Variants in EPHX4 observed in about 807,000 individuals in gnomAD.
EPHX4 encodes the protein epoxide hydrolase 4, also known as abhydrolase domain containing 7.
Under a neutral mutation model 44.9 loss-of-function variants are expected in EPHX4, and 31 were observed. The ratio of observed to expected loss-of-function variants is 0.69; its 90% CI spans 0.52 to 0.93. The LOEUF (loss-of-function observed/expected upper bound fraction) is 0.93. EPHX4 is among the 40% of genes least tolerant of loss of function. The pLI is 0.00. For missense variants in EPHX4, 373 were observed against 438.1 expected, an observed-to-expected ratio of 0.85 and a Z score of 1.33; for synonymous variants, 151 against 159.7, an observed-to-expected ratio of 0.95 and a Z score of 0.41.
intron 2 of EPHX4, 121 bp from the exon 3 acceptor site, chr1:92,042,702 G>A (rs1688525174): frequency 1.1e-6 from 1 of 919,404 alleles, no homozygotes; most frequent in African/African-American, 1.8e-5. Context: ...TCCAGCCTGG[G>A]TGACAGAGCA....
intron 2 of EPHX4, among the ~76,000 whole-genome samples, chr1:92,037,656 T>A (rs772782506): frequency 1.3e-5 from 2 of 152,156 alleles, no homozygotes; most frequent in African/African-American, 2.4e-5. Flanking sequence ...AGCTGACAAC[T>A]GTGGCATTTC....
chr1:92,044,235 T>C (rs541886110), intron 3 of EPHX4, among the ~76,000 whole-genome samples: 136 of 152,264 alleles, frequency 8.9e-4, no homozygotes, highest in African/African-American at 3.1e-3. Context: ...TCTGGGGGTG[T>C]CACATACAAT....
intron 4 of EPHX4, among the ~76,000 whole-genome samples, chr1:92,049,077 G>A (rs1394835303): frequency 6.6e-6 from 1 of 151,678 alleles, no homozygotes; most frequent in African/African-American, 2.4e-5. Context: ...TAAAACTTTA[G>A]TGTCTTCCCA....
chr1:92,052,722 T>G, intron 6 of EPHX4, 64 bp downstream of exon 6: 1 of 1,405,806 alleles, frequency 7.1e-7, no homozygotes, highest in Non-Finnish European at 9.5e-7. Flanking sequence ...GGACAATATT[T>G]TATTTTTAAG....
chr1:92,062,759 G>A (rs913986295), intron 6 of EPHX4, among the ~76,000 whole-genome samples: 4 of 151,862 alleles, frequency 2.6e-5, no homozygotes, highest in Non-Finnish European at 5.9e-5. Flanking sequence ...ATTACTTAAT[G>A]CATTGTTTCT....
At chr1:92,061,847 A>C (rs2101877482) in intron 6 of EPHX4, among the ~76,000 whole-genome samples, 1 of 152,332 alleles carries the variant, frequency 6.6e-6, no homozygotes, top group Non-Finnish European at 1.5e-5. Flanking sequence ...GAAAATGCCA[A>C]AATATTACCC....
intron 3 of EPHX4, 81 bp downstream of exon 3, chr1:92,043,061 G>A: frequency 8.4e-7 from 1 of 1,194,172 alleles, no homozygotes; most frequent in Non-Finnish European, 1.2e-6. Flanking sequence ...CTTTTCTTGG[G>A]AGGATGCATA....
At position 92,030,105 on chromosome 1, in the gene EPHX4, C is replaced by T. The variant is rs778934442; in HGVS notation, c.26C>T (p.Pro9Leu). 19 of 1,606,948 alleles carry T rather than the reference C, an allele frequency of 1.2e-5. No individual in the cohort carries two copies. Among genetic ancestry groups the T allele is most frequent in the Middle Eastern group, 1.7e-4 (1 of 6,056 alleles). ...ATGGCGAGGCTGCGGGATTGCCTGC[C>T]CCGCCTGATGCTCACGCTCCGGTCC... Reference protein sequence around the residue: MARLRDCLPRLMLTLRSLL... With the variant: MARLRDCLLRLMLTLRSLL... Residue 9 changes from proline (P) to leucine (L), a missense_variant, in exon 1 of 7, where the codon CCC becomes CTC. Pro to Leu is a moderately conservative substitution (Grantham distance 98). Coordinates refer to ENST00000370383, the MANE Select transcript of EPHX4 (RefSeq NM_173567.5).
At chr1:92,038,687 A>G (rs1688472465) in intron 2 of EPHX4, among the ~76,000 whole-genome samples, 1 of 152,166 alleles carries the variant, frequency 6.6e-6, no homozygotes, top group Non-Finnish European at 1.5e-5. Context: ...GCCTAATGTG[A>G]TAATGAGTTA....
rs199911293 is a variant in EPHX4, at chr1:92,063,259, A to T, written c.1062A>T (p.Leu354=). 13 of 1,595,520 alleles carry T rather than the reference A, an allele frequency of 8.1e-6. No individual in the cohort carries two copies. In the Admixed American group the frequency reaches 1.7e-4, roughly 21 times the overall value. Residue 354 remains leucine (L), a synonymous_variant, in exon 7 of 7, where the codon CTA becomes CTT. Transcript: ENST00000370383. The part of the protein sequence containing the change: ...DIVNKLIWTF[L]KEETRKKD The stretch of plus-strand genomic sequence containing the variant: ...TGAACAAATTGATATGGACATTTCT[A>T]AAAGAAGAAACAAGAAAAAAAGATT...
intron 4 of EPHX4, among the ~76,000 whole-genome samples, chr1:92,046,052 T>C (rs2101871005): frequency 6.6e-6 from 1 of 152,346 alleles, no homozygotes; most frequent in East Asian, 1.9e-4. Flanking sequence ...TTTTTTGGTC[T>C]TGGGCTTCTA....
At chr1:92,046,390 T>G (rs572425094) in intron 4 of EPHX4, among the ~76,000 whole-genome samples, 1 of 152,230 alleles carries the variant, frequency 6.6e-6, no homozygotes, top group African/African-American at 2.4e-5. Context: ...AGTATTTTAA[T>G]AGCCTTTTCA....
chr1:92,038,200 C>G (rs1423494725), intron 2 of EPHX4, among the ~76,000 whole-genome samples: 2 of 152,184 alleles, frequency 1.3e-5, no homozygotes, highest in Non-Finnish European at 2.9e-5. Context: ...TGCATAATCT[C>G]TAATCCAATT....
In EPHX4 at chr1:92,030,490, G is replaced by GTGTGTGTGTGT. The variant is rs1383490491; in HGVS notation, c.231+180_231+181insTGTGTGTGTGT. Among the ~76,000 whole-genome samples the GTGTGTGTGTGT allele has an allele frequency of 1.4e-3, 179 of 127,750 alleles. 6 individuals carry two copies. Among genetic ancestry groups the GTGTGTGTGTGT allele is most frequent in the African/African-American group, 4.9e-3 (162 of 32,832 alleles). The allele number at this position is 127,750 out of a possible 152,430, so 83.8% of individuals were successfully genotyped here. On this transcript the variant is annotated intron_variant, in intron 1 of 6. Coordinates refer to ENST00000370383, the MANE Select transcript of EPHX4 (RefSeq NM_173567.5). ...TGTGTGTGTGTGTGTGTGTGTGAGA[G>GTGTGTGTGTGT]AGAGAGAGAGAGAGAGAGATACAGA... is the stretch of plus-strand genomic sequence containing the variant.
intron 4 of EPHX4, among the ~76,000 whole-genome samples, chr1:92,046,163 T>C (rs1379064182): frequency 1.3e-5 from 2 of 152,230 alleles, no homozygotes; most frequent in African/African-American, 4.8e-5. Context: ...AAAATATTTA[T>C]ATGTTAATTC....
chr1:92,042,201 T>C (rs545093535), intron 2 of EPHX4, among the ~76,000 whole-genome samples: 1 of 151,398 alleles, frequency 6.6e-6, no homozygotes, highest in Non-Finnish European at 1.5e-5. Context: ...TTCAATTTTT[T>C]AAAAATGGAC....
At chr1:92,037,702 A>T (rs1322777548) in intron 2 of EPHX4, among the ~76,000 whole-genome samples, 1 of 152,216 alleles carries the variant, frequency 6.6e-6, no homozygotes, top group Non-Finnish European at 1.5e-5. Context: ...TCTACATCTG[A>T]AAGTGTAACC....
intron 4 of EPHX4, among the ~76,000 whole-genome samples, chr1:92,048,038 T>G (rs1372747352): frequency 6.6e-6 from 1 of 152,192 alleles, no homozygotes; most frequent in Non-Finnish European, 1.5e-5. Flanking sequence ...GAGGTTCAAG[T>G]ACTACTACTA....
In EPHX4 at chr1:92,045,565, G is replaced by T. The variant is rs771576225; in HGVS notation, c.509G>T (p.Trp170Leu). 57 of 1,613,276 alleles carry T rather than the reference G, an allele frequency of 3.5e-5. No individual in the cohort carries two copies. The highest frequency in any genetic ancestry group is 4.4e-5 in the South Asian group (4 of 91,014). The change falls in exon 4 of 7, where the codon TGG (tryptophan) becomes TTG (leucine). Residue 170 changes from tryptophan (W) to leucine (L), a missense_variant. Transcript: ENST00000370383. The part of the protein sequence containing the change: ...YSKCVLIGHD[W>L]GGMIAWLIAI... ...AAATGTGTTCTTATTGGCCATGACT[G>T]GGGGGGCATGATTGCTTGGCTAATT...
Sources: allele counts gnomAD v4.1 joint callset (sites outside exome capture counted in the v4.1 genomes callset), GRCh38; gene constraint gnomAD v4.1.1; transcripts MANE v1.5; gene names NCBI Gene and HGNC (gene_info 2026-07-23, HGNC 2026-07-21).